STX8: variants seen among roughly 807,000 people sequenced by gnomAD.
The protein encoded by STX8 is syntaxin 8.
In STX8, 23 loss-of-function variants were observed where a neutral mutation model predicts 37.5. That is an observed-to-expected ratio of 0.61 (90% CI 0.44 to 0.87). STX8 has a LOEUF of 0.87. Ranked by LOEUF, STX8 falls within the 40% of genes least tolerant of loss-of-function variation. STX8 has a pLI of 0.00. For synonymous variants in STX8, 115 were observed against 99.1 expected (o/e 1.16, Z -0.95); for missense variants, 313 against 284.7 (o/e 1.10, Z -0.71).
chr17:9,431,195 C>T (rs1034412014), intron 6 of STX8, among the ~76,000 whole-genome samples: 1 of 148,354 alleles, frequency 6.7e-6, no homozygotes, highest in Non-Finnish European at 1.5e-5. Flanking sequence ...TGCTGAGCAT[C>T]TCATTGGGTA....
chr17:9,424,703 G>T (rs1255320686), intron 6 of STX8, among the ~76,000 whole-genome samples: 1 of 152,100 alleles, frequency 6.6e-6, no homozygotes, highest in East Asian at 1.9e-4. Context: ...GGTCACTGGG[G>T]TATGGTAGAT....
intron 4 of STX8, among the ~76,000 whole-genome samples, chr17:9,541,413 A>G (rs2142560595): frequency 6.6e-6 from 1 of 152,322 alleles, no homozygotes; most frequent in Middle Eastern, 3.4e-3. Context: ...CTCCGAAGCA[A>G]TGAGGCAGCC....
chr17:9,438,899 A>G (rs2142382886), intron 6 of STX8, among the ~76,000 whole-genome samples: 1 of 152,296 alleles, frequency 6.6e-6, no homozygotes, highest in Admixed American at 6.5e-5. Context: ...ACTGCACTCC[A>G]GCCTAGGTGA....
chr17:9,433,164 A>C (rs561048322), intron 6 of STX8, among the ~76,000 whole-genome samples: 1 of 152,326 alleles, frequency 6.6e-6, no homozygotes, highest in East Asian at 1.9e-4. Flanking sequence ...TGCACTCCTA[A>C]GATTTATTCT....
chr17:9,356,017 C>G (rs1326960938), intron 7 of STX8, among the ~76,000 whole-genome samples: 18 of 152,230 alleles, frequency 1.2e-4, no homozygotes, highest in Non-Finnish European at 1.8e-4. Flanking sequence ...CTTTTTTTCA[C>G]AGACCACCTC....
intron 4 of STX8, among the ~76,000 whole-genome samples, chr17:9,505,505 G>C (rs185491601): frequency 6.6e-6 from 1 of 152,144 alleles, no homozygotes; most frequent in African/African-American, 2.4e-5. Context: ...CCGAACAGCG[G>C]CCTTTTTATT....
At chr17:9,396,983 A>G (rs1330120567) in intron 6 of STX8, among the ~76,000 whole-genome samples, 1 of 152,242 alleles carries the variant, frequency 6.6e-6, no homozygotes, top group African/African-American at 2.4e-5. Flanking sequence ...AGTGGCATCT[A>G]TAAGACTAAA....
intron 7 of STX8, among the ~76,000 whole-genome samples, chr17:9,286,283 T>C (rs1258935499): frequency 1.3e-5 from 2 of 152,202 alleles, no homozygotes; most frequent in Non-Finnish European, 2.9e-5. Context: ...AGGAAGGGCA[T>C]ACGTTTCGGC....
At position 9,419,784 on chromosome 17, in the gene STX8, C is replaced by T. The variant is rs148906267; in HGVS notation, c.542-41131G>A. On this transcript the variant is annotated intron_variant, in intron 6 of 7. Coordinates refer to ENST00000306357, the MANE Select transcript of STX8 (RefSeq NM_004853.3). ...GGACCTGAATTTTACTTAAAACAAA[C>T]AAAACAGGTGGTGAGAAGAGTGAGC... Among the ~76,000 whole-genome samples, 669 of 152,210 alleles carry T rather than the reference C, an allele frequency of 4.4e-3. 6 individuals are homozygous for T. Among genetic ancestry groups the T allele is most frequent in the African/African-American group, 0.015 (615 of 41,524 alleles).
rs113512198 is a variant in STX8 at position 9,351,713 on chromosome 17, A to G, written c.643+26839T>C. 4.6e-5 allele frequency among the ~76,000 whole-genome samples: 7 copies of G among 152,258 alleles called. 1 individual carries two copies. Among genetic ancestry groups the G allele is most frequent in the African/African-American group, 1.2e-4 (5 of 41,552 alleles). ...GTTTCCTTTAATCTACAATTCTTCT[A>G]TCCTTTTTCTATCCTTCATGACCCT... On this transcript the variant is annotated intron_variant, in intron 7 of 7. Coordinates refer to ENST00000306357, the MANE Select transcript of STX8 (RefSeq NM_004853.3).
intron 6 of STX8, among the ~76,000 whole-genome samples, chr17:9,433,869 A>C (rs531312861): frequency 2.0e-5 from 3 of 152,308 alleles, no homozygotes; most frequent in African/African-American, 7.2e-5. Context: ...TTAGGTAAGA[A>C]AGATGCTCTT....
In STX8 at chr17:9,507,191, C is replaced by T. The variant is rs375453504; in HGVS notation, c.324-2029G>A. Among the ~76,000 whole-genome samples the T allele has an allele frequency of 1.7e-3, 252 of 152,186 alleles. 1 individual carries two copies. Among genetic ancestry groups the T allele is most frequent in the African/African-American group, 5.8e-3 (240 of 41,524 alleles). Reference sequence around the variant, plus strand: ...AACAGTCGGGCAGTGCAGCCCCCTACAGACATGCCCCCGGCCTGCCCAAAG... The same window carrying T: ...AACAGTCGGGCAGTGCAGCCCCCTATAGACATGCCCCCGGCCTGCCCAAAG... On this transcript the variant is annotated intron_variant, in intron 4 of 7. Coordinates refer to ENST00000306357, the MANE Select transcript of STX8 (RefSeq NM_004853.3). This position sits in a 1 kb window ranked among gnomAD's most constrained non-coding sequence, Gnocchi z 4.0.
chr17:9,411,148 T>C (rs79532744), intron 6 of STX8, among the ~76,000 whole-genome samples: 2,618 of 152,318 alleles, frequency 0.017, 86 homozygotes, highest in African/African-American at 0.059. Flanking sequence ...GTTTGTACTC[T>C]TGGGATACTT....
At chr17:9,293,493 A>T (rs1908395658) in intron 7 of STX8, among the ~76,000 whole-genome samples, 1 of 151,522 alleles carries the variant, frequency 6.6e-6, no homozygotes, top group Non-Finnish European at 1.5e-5. Flanking sequence ...TAATGAGAAC[A>T]TTATAACTTG....
At chr17:9,387,585 G>A (rs765047526) in intron 6 of STX8, among the ~76,000 whole-genome samples, 4 of 152,176 alleles carry the variant, frequency 2.6e-5, no homozygotes, top group Admixed American at 1.3e-4. Context: ...GAGCCACCAC[G>A]CCTGGCCAAA....
At chr17:9,509,198 G>A (rs1904944321) in intron 4 of STX8, among the ~76,000 whole-genome samples, 2 of 152,126 alleles carry the variant, frequency 1.3e-5, no homozygotes, top group African/African-American at 4.8e-5. Flanking sequence ...GCAGTGAGCT[G>A]AGACCACGCT....
intron 4 of STX8, among the ~76,000 whole-genome samples, chr17:9,515,966 C>G (rs2142515338): frequency 6.6e-6 from 1 of 152,204 alleles, no homozygotes; most frequent in East Asian, 1.9e-4. Flanking sequence ...GAAGAAAATT[C>G]ACATTCAAAG....
intron 6 of STX8, among the ~76,000 whole-genome samples, chr17:9,404,627 G>A (rs1339725550): frequency 6.6e-6 from 1 of 152,136 alleles, no homozygotes; most frequent in South Asian, 2.1e-4. Context: ...GCTAATTTTT[G>A]TATTTTCAGC....
chr17:9,542,897 CAG>C (rs1906341055), intron 4 of STX8, among the ~76,000 whole-genome samples: 1 of 151,998 alleles, frequency 6.6e-6, no homozygotes, highest in Admixed American at 6.6e-5. Context: ...GTAAAGGACA[CAG>C]AGATGATCAG....
Sources: gnomAD v4.1 joint callset for allele counts (sites outside exome capture counted in the v4.1 genomes callset) on GRCh38, gnomAD v4.1.1 for gene constraint, Gnocchi (gnomAD v3.1) non-coding constraint, MANE v1.5 for transcripts, NCBI Gene and HGNC (gene_info 2026-07-23, HGNC 2026-07-21) for gene names.